The following TPO variants were observed in gnomAD, a reference collection of about 807,000 sequenced individuals.
TPO encodes the protein thyroid microsomal antigen.
In TPO, 78 loss-of-function variants were observed where a neutral mutation model predicts 96.9. The observed-to-expected ratio is 0.81, with a 90% CI of 0.67 to 0.97. The LOEUF (loss-of-function observed/expected upper bound fraction) is 0.97, where lower values mean the gene tolerates loss of function less well. Among genes scored for constraint, TPO ranks in the 50% least tolerant of loss-of-function variants. TPO has a pLI of 0.00. For synonymous variants in TPO, 547 were observed against 538.0 expected (o/e 1.02, Z -0.23); for missense variants, 1,252 against 1,274.8 (o/e 0.98, Z 0.27).
chr2:1,415,722 A>G (rs1662887822), intron 2 of TPO, among the ~76,000 whole-genome samples: 1 of 152,156 alleles, frequency 6.6e-6, no homozygotes, highest in South Asian at 2.1e-4. Flanking sequence ...CAGCACTGGC[A>G]CCTCTGCCCT....
chr2:1,435,797 A>ATTT (rs1196605178), intron 4 of TPO, among the ~76,000 whole-genome samples: 2 of 152,228 alleles, frequency 1.3e-5, no homozygotes, highest in African/African-American at 4.8e-5. Context: ...ATCTTCATCA[A>ATTT]GGCAAGATTT....
At chr2:1,443,566 G>GA (rs1207625093) in intron 5 of TPO, among the ~76,000 whole-genome samples, 14 of 148,706 alleles carry the variant, frequency 9.4e-5, no homozygotes, top group South Asian at 2.2e-4. Context: ...GAAGGGAAAG[G>GA]GCAGGCTCCT....
intron 1 of TPO, among the ~76,000 whole-genome samples, chr2:1,384,386 T>C (rs1304953703): frequency 2.0e-5 from 3 of 152,028 alleles, no homozygotes; most frequent in African/African-American, 4.8e-5. Context: ...TTTTATTTCA[T>C]TGAGCAGTGG....
intron 8 of TPO, chr2:1,478,334 G>T (rs1670186647): frequency 1.0e-6 from 1 of 985,470 alleles, no homozygotes; most frequent in South Asian, 4.7e-5. Context: ...GAGTCACCGT[G>T]TGTGTCTGTT....
chr2:1,445,630 A>G (rs1666719887), intron 5 of TPO, among the ~76,000 whole-genome samples: 1 of 132,452 alleles, frequency 7.5e-6, no homozygotes, highest in Non-Finnish European at 1.5e-5. Context: ...TTGGAAGGGA[A>G]TGGGGCAGGC....
chr2:1,496,471 A>C, intron 12 of TPO, 124 bp from the exon 13 acceptor site: 2 of 1,394,174 alleles, frequency 1.4e-6, no homozygotes, highest in Non-Finnish European at 2.0e-6. Context: ...GAGTGACCAC[A>C]GCAGGGCTCC....
At chr2:1,486,707 C>A (rs370902607) in intron 9 of TPO, among the ~76,000 whole-genome samples, 3 of 152,118 alleles carry the variant, frequency 2.0e-5, no homozygotes, top group Non-Finnish European at 4.4e-5. Flanking sequence ...TTAAGCTTCC[C>A]CATTTTTTCT....
chr2:1,418,921 A>G, intron 2 of TPO, among the ~76,000 whole-genome samples: 1 of 152,232 alleles, frequency 6.6e-6, no homozygotes, highest in East Asian at 1.9e-4. Flanking sequence ...CTAAACAGGA[A>G]TCAAGCGCTT....
At chr2:1,541,100 A>AAAATGTGTATGTTTATGT in intron 16 of TPO, 1 of 1,201,846 alleles carries the variant, frequency 8.3e-7, no homozygotes, top group South Asian at 1.6e-5. Context: ...TCAGTGTGGA[A>AAAATGTGTATGTTTATGT]AAATGTGTAT....
At chr2:1,423,159 A>G (rs749262901) in intron 3 of TPO, 30 bp downstream of exon 3, 2 of 1,606,390 alleles carry the variant, frequency 1.2e-6, no homozygotes, top group South Asian at 2.2e-5. Flanking sequence ...CGCCGCCCCA[A>G]ATGCCACCGA....
intron 8 of TPO, among the ~76,000 whole-genome samples, chr2:1,480,559 T>TACACACACACACACACACACACACACAC (rs3036105): frequency 2.3e-5 from 1 of 44,362 alleles, no homozygotes; most frequent in Non-Finnish European, 4.1e-5. Flanking sequence ...TCAAACCCCC[T>TACACACACACACACACACACACACACAC]ACACACACAC....
intron 7 of TPO, among the ~76,000 whole-genome samples, chr2:1,468,900 T>C (rs1273654385): frequency 3.3e-5 from 5 of 152,198 alleles, no homozygotes; most frequent in Admixed American, 2.6e-4. Flanking sequence ...TATCTTCATA[T>C]TTTCTTATTC....
At chr2:1,532,400 T>C (rs1330999095) in intron 15 of TPO, among the ~76,000 whole-genome samples, 5 of 72,240 alleles carry the variant, frequency 6.9e-5, no homozygotes, top group African/African-American at 2.5e-4. Flanking sequence ...CCCCCACCAC[T>C]GTGAGCAACC....
At chr2:1,533,986 T>C (rs1449558042) in intron 15 of TPO, among the ~76,000 whole-genome samples, 1 of 78,354 alleles carries the variant, frequency 1.3e-5, no homozygotes, top group Non-Finnish European at 2.5e-5. Flanking sequence ...CCTCCCCAAA[T>C]CCCCATCACT....
chr2:1,378,707 G>A (rs1038915953), intron 1 of TPO, among the ~76,000 whole-genome samples: 3 of 152,234 alleles, frequency 2.0e-5, no homozygotes, highest in African/African-American at 7.2e-5. Flanking sequence ...GTGACAGTGG[G>A]AGAAGAGAGA....
At chr2:1,535,447 C>G (rs191869740) in intron 15 of TPO, among the ~76,000 whole-genome samples, 3 of 73,174 alleles carry the variant, frequency 4.1e-5, no homozygotes, top group Non-Finnish European at 5.5e-5. Context: ...ATCCCCCCCA[C>G]TCTGTGCAAC....
intron 13 of TPO, among the ~76,000 whole-genome samples, chr2:1,499,813 T>C (rs1672699711): frequency 6.6e-6 from 1 of 152,224 alleles, no homozygotes; most frequent in Non-Finnish European, 1.5e-5. Flanking sequence ...CCACAGACAT[T>C]TCCGTAGCCA....
Position 1,433,524 on chromosome 2 carries a change from G to T in TPO, c.266G>T (p.Arg89Leu), listed in dbSNP as rs200794960. The change falls in exon 4 of 17, where the codon CGA becomes CTA. Residue 89 changes from arginine (R) to leucine (L), a missense_variant. By Grantham distance (102) the Arg-to-Leu change is moderately radical. Transcript: ENST00000329066. ...LPEPTSGVIARAAEIMETSIQ... is the reference protein window; with the variant it reads ...LPEPTSGVIALAAEIMETSIQ... ...GAGCCAACAAGCGGAGTGATTGCCC[G>T]AGCAGCAGAGATAATGGAAACATCA... 6.8e-5 allele frequency: 109 copies of T among 1,614,002 alleles called. No homozygotes were observed. Among genetic ancestry groups the T allele is most frequent in the Non-Finnish European group, 8.9e-5 (105 of 1,180,048 alleles).
At chr2:1,540,143 C>T (rs181864062) in intron 15 of TPO, among the ~76,000 whole-genome samples, 130 of 152,278 alleles carry the variant, frequency 8.5e-4, no homozygotes, top group African/African-American at 2.7e-3. Context: ...CTTCCTCCCC[C>T]TCATCTCCAG....
Sources: allele counts gnomAD v4.1 joint callset (sites outside exome capture counted in the v4.1 genomes callset), GRCh38; gene constraint gnomAD v4.1.1; transcripts MANE v1.5; gene names NCBI Gene and HGNC (gene_info 2026-07-23, HGNC 2026-07-21).